Variants in TMEM232 observed in about 807,000 individuals in gnomAD.
The protein encoded by TMEM232 is transmembrane protein 232.
TMEM232 carries 80 observed loss-of-function variants against 78.8 expected under a neutral mutation model. The ratio of observed to expected loss-of-function variants is 1.01; its 90% CI spans 0.85 to 1.22. The LOEUF (loss-of-function observed/expected upper bound fraction) is 1.22. Among genes scored for constraint, TMEM232 ranks in the 50% most tolerant of loss-of-function variants. The pLI is 0.00. For synonymous variants in TMEM232, 297 were observed against 254.3 expected (o/e 1.17, Z -1.60); for missense variants, 881 against 742.2 (o/e 1.19, Z -2.17).
chr5:110,565,635 T>C (rs977024015), intron 11 of TMEM232, among the ~76,000 whole-genome samples: 6 of 152,012 alleles, frequency 3.9e-5, no homozygotes, highest in Non-Finnish European at 5.9e-5. Context: ...GGAATTATTT[T>C]TTCTCTGTTC....
At position 110,618,560 on chromosome 5, in the gene TMEM232, T is replaced by G; in HGVS notation, c.771A>C (p.Gly257=). 1 of 1,541,808 alleles carries G rather than the reference T, an allele frequency of 6.5e-7. No homozygotes were observed. The highest frequency in any genetic ancestry group is 2.4e-5 in the East Asian group (1 of 40,820). ...KRYENTDSDM[G]GYEINHLLWH... is the part of the protein sequence containing the mutation. ...AGAGCAGGTGGTTAATTTCATATCC[T>G]CCCTGATTAAATTGCAAATGTTTCA... Residue 257 remains glycine, a splice_region_variant and synonymous_variant, in exon 8 of 14, where the codon GGA becomes GGC. Transcript: ENST00000455884.
At chr5:110,680,692 A>G (rs1467080704) in intron 1 of TMEM232, among the ~76,000 whole-genome samples, 3 of 152,094 alleles carry the variant, frequency 2.0e-5, no homozygotes, top group South Asian at 4.1e-4. Flanking sequence ...AGCATGCTAG[A>G]TATGTCTTTT....
At chr5:110,617,244 A>T (rs190267313) in intron 8 of TMEM232, among the ~76,000 whole-genome samples, 1 of 152,360 alleles carries the variant, frequency 6.6e-6, no homozygotes, top group African/African-American at 2.4e-5. Flanking sequence ...ACTAGGTAGT[A>T]GAATGGTATA....
upstream of TMEM232, among the ~76,000 whole-genome samples, chr5:110,730,169 T>C (rs539061972): frequency 6.7e-6 from 1 of 150,230 alleles, no homozygotes; most frequent in African/African-American, 2.5e-5. Context: ...TCCAGTTGCT[T>C]GGAATCAAGG....
At chr5:110,711,344 T>A (rs1796454248) in intron 1 of TMEM232, among the ~76,000 whole-genome samples, 1 of 152,160 alleles carries the variant, frequency 6.6e-6, no homozygotes, top group African/African-American at 2.4e-5. Flanking sequence ...CCCAAGACAA[T>A]CTACAGATTC....
At chr5:110,406,288 A>ACACACACG (rs1561458988) in intron 2 of TMEM232, among the ~76,000 whole-genome samples, 1 of 151,582 alleles carries the variant, frequency 6.6e-6, no homozygotes, top group Non-Finnish European at 1.5e-5. Flanking sequence ...ACACACACAC[A>ACACACACG]CACACACACA....
chr5:110,487,871 G>A (rs1411125002), intron 12 of TMEM232, among the ~76,000 whole-genome samples: 1 of 152,000 alleles, frequency 6.6e-6, no homozygotes, highest in Non-Finnish European at 1.5e-5. Context: ...AGCGTCAAAA[G>A]GATTGGTTCC....
Position 110,568,095 on chromosome 5 carries a change from C to A in TMEM232, c.1455+352G>T, listed in dbSNP as rs948400522. Among the ~76,000 whole-genome samples the A allele has an allele frequency of 3.3e-5, 5 of 151,882 alleles. No homozygotes were observed. The East Asian group carries it at 9.7e-4, about 30-fold the overall frequency. ...CAAGAAAAGAGAAAAAGAATCATGG[C>A]TTAACATGCTACTTCAATCTAGTGT... is the stretch of plus-strand genomic sequence containing the variant. On this transcript the variant is annotated intron_variant, in intron 11 of 13. Transcript: ENST00000455884.
intron 12 of TMEM232, among the ~76,000 whole-genome samples, chr5:110,444,497 C>A (rs994870829): frequency 6.6e-6 from 1 of 152,132 alleles, no homozygotes; most frequent in Non-Finnish European, 1.5e-5. Context: ...TCTTTAATGC[C>A]TCTTTCAGTG....
In TMEM232 at chr5:110,721,669, G is replaced by GTATATATA. The variant is rs749643657; in HGVS notation, c.-13+4957_-13+4958insTATATATA. On this transcript the variant is annotated intron_variant, in intron 1 of 13. Coordinates refer to ENST00000455884, the MANE Select transcript of TMEM232 (RefSeq NM_001039763.4). ...GTCTGCATATCATGTGTGTGTGTGT[G>GTATATATA]TGTGTATATATATATCTGTGTGTGT... 1.6e-3 allele frequency among the ~76,000 whole-genome samples: 39 copies of GTATATATA among 23,856 alleles called. 5 individuals are homozygous for GTATATATA. The highest frequency in any genetic ancestry group is 3.1e-3 in the African/African-American group (39 of 12,732). The allele number at this position is 23,856 out of a possible 152,430, so 15.7% of individuals were successfully genotyped here.
At chr5:110,716,359 T>C (rs1297258665) in intron 1 of TMEM232, among the ~76,000 whole-genome samples, 7 of 152,164 alleles carry the variant, frequency 4.6e-5, no homozygotes, top group Admixed American at 4.6e-4. Context: ...TATTGTTACA[T>C]TGTAAGTAAT....
At chr5:110,495,144 TAGA>T (rs1765510525) in intron 12 of TMEM232, among the ~76,000 whole-genome samples, 1 of 151,230 alleles carries the variant, frequency 6.6e-6, no homozygotes, top group Non-Finnish European at 1.5e-5. Flanking sequence ...ATAAAATAAA[TAGA>T]AGCCTCAAAA....
intron 2 of TMEM232, among the ~76,000 whole-genome samples, chr5:110,652,731 A>C (rs1216893572): frequency 1.3e-5 from 2 of 152,218 alleles, no homozygotes; most frequent in African/African-American, 4.8e-5. Flanking sequence ...AGTGACATAT[A>C]TAACACATGG....
At chr5:110,676,576 TTGTA>T (rs537260593) in intron 1 of TMEM232, among the ~76,000 whole-genome samples, 8 of 151,342 alleles carry the variant, frequency 5.3e-5, no homozygotes, top group African/African-American at 9.7e-5. Context: ...CATCTAATGT[TTGTA>T]TGTATGTATG....
chr5:110,669,697 A>G lies in TMEM232; in HGVS notation c.-12-2333T>C, dbSNP rs375546694. ...CAACCAAAAAAGACAATTTGAGACC[A>G]AGATCCCTGATGAACATCAATGCAG... is the stretch of plus-strand genomic sequence containing the variant. On this transcript the variant is annotated intron_variant, in intron 1 of 13. Coordinates refer to ENST00000455884, the MANE Select transcript of TMEM232 (RefSeq NM_001039763.4). Among the ~76,000 whole-genome samples, 13 of 152,326 alleles carry G rather than the reference A, an allele frequency of 8.5e-5. 2 individuals carry two copies. Among genetic ancestry groups the G allele is most frequent in the East Asian group, 5.8e-4 (3 of 5,184 alleles).
At chr5:110,433,091 A>G (rs758184444) in intron 12 of TMEM232, among the ~76,000 whole-genome samples, 2 of 151,774 alleles carry the variant, frequency 1.3e-5, no homozygotes, top group Non-Finnish European at 2.9e-5. Flanking sequence ...GCAGAAAACT[A>G]AGAAATTATA....
chr5:110,408,475 C>T (rs111640945), intron 2 of TMEM232, among the ~76,000 whole-genome samples: 25 of 151,758 alleles, frequency 1.6e-4, no homozygotes, highest in African/African-American at 6.0e-4. Flanking sequence ...GCCTTTAATC[C>T]CAGCTACTAG....
chr5:110,698,626 A>G (rs1426216964), intron 1 of TMEM232, among the ~76,000 whole-genome samples: 1 of 152,008 alleles, frequency 6.6e-6, no homozygotes, highest in Non-Finnish European at 1.5e-5. Flanking sequence ...CTGGGTTTAC[A>G]TGGTGGGTTA....
intron 1 of TMEM232, among the ~76,000 whole-genome samples, chr5:110,692,024 C>T (rs1166448899): frequency 6.6e-6 from 1 of 152,058 alleles, no homozygotes; most frequent in Admixed American, 6.6e-5. Context: ...GGGTTCAAGC[C>T]ATTCTCTTGC....
Sources: gnomAD v4.1 joint callset for allele counts (sites outside exome capture counted in the v4.1 genomes callset) on GRCh38, gnomAD v4.1.1 for gene constraint, MANE v1.5 for transcripts, NCBI Gene and HGNC (gene_info 2026-07-23, HGNC 2026-07-21) for gene names.